Variants in SLC60A1 observed in about 807,000 individuals in gnomAD.
SLC60A1 encodes the protein major facilitator superfamily domain containing 4.
At chr1:205,599,157 T>C in the SLC60A1 span, 6 of 1,614,184 alleles carry the variant, frequency 3.7e-6, no homozygotes, top group Middle Eastern at 1.6e-4. Context: ...GCAGCTATAG[T>C]TTCCTGGTCT....
the SLC60A1 span, among the ~76,000 whole-genome samples, chr1:205,576,155 C>A: frequency 6.6e-6 from 1 of 152,146 alleles, no homozygotes; most frequent in South Asian, 2.1e-4. Context: ...CCTGGGCCAG[C>A]CTCCCAGGGT....
At chr1:205,586,277 C>G in the SLC60A1 span, 1 of 1,572,352 alleles carries the variant, frequency 6.4e-7, no homozygotes, top group Non-Finnish European at 8.6e-7. Context: ...TGGCCCTACC[C>G]CAGGACGTTT....
At chr1:205,597,737 CCTTAA>C in the SLC60A1 span, 1 of 1,608,358 alleles carries the variant, frequency 6.2e-7, no homozygotes, top group African/African-American at 1.3e-5. Context: ...GCTTCTGTCT[CCTTAA>C]CTTGCTTTTA....
chr1:205,575,084 G>A, the SLC60A1 span, among the ~76,000 whole-genome samples: 1 of 152,160 alleles, frequency 6.6e-6, no homozygotes, highest in Non-Finnish European at 1.5e-5. Context: ...CATCAGCCTG[G>A]CCTGAGATAG....
At chr1:205,588,489 A>G in the SLC60A1 span, among the ~76,000 whole-genome samples, 1 of 139,784 alleles carries the variant, frequency 7.2e-6, no homozygotes, top group African/African-American at 2.8e-5. Flanking sequence ...AAAAAAAAAA[A>G]AGAAAGAGAA....
At chr1:205,592,457 T>C in the SLC60A1 span, among the ~76,000 whole-genome samples, 1 of 152,010 alleles carries the variant, frequency 6.6e-6, no homozygotes, top group African/African-American at 2.4e-5. Flanking sequence ...TATGTATACA[T>C]GTGCCATGTT....
the SLC60A1 span, among the ~76,000 whole-genome samples, chr1:205,584,547 T>TAAA: frequency 5.4e-5 from 5 of 92,870 alleles, no homozygotes; most frequent in Non-Finnish European, 1.1e-4. Flanking sequence ...CTTTTTTTTT[T>TAAA]TAAAAAAAAA....
chr1:205,592,273 C>T, the SLC60A1 span: 3 of 1,613,824 alleles, frequency 1.9e-6, no homozygotes, highest in African/African-American at 1.3e-5. Flanking sequence ...ACGGAGGACT[C>T]GCTGCAGTAC....
the SLC60A1 span, among the ~76,000 whole-genome samples, chr1:205,578,454 G>A: frequency 3.3e-5 from 5 of 152,162 alleles, no homozygotes; most frequent in African/African-American, 4.8e-5. Flanking sequence ...TCCCCCATGA[G>A]TTCTGAGCTG....
the SLC60A1 span, among the ~76,000 whole-genome samples, chr1:205,574,461 T>C: frequency 6.6e-6 from 1 of 151,938 alleles, no homozygotes; most frequent in Non-Finnish European, 1.5e-5. Flanking sequence ...AAAACAAAAA[T>C]CTCAAAACTT....
chr1:205,570,951 C>A, the SLC60A1 span, among the ~76,000 whole-genome samples: 3 of 152,268 alleles, frequency 2.0e-5, no homozygotes, highest in East Asian at 5.8e-4. Context: ...GCACACCCAC[C>A]CAGCTGGGCC....
chr1:205,592,296 C>T, the SLC60A1 span: 73 of 1,603,756 alleles, frequency 4.6e-5, no homozygotes, highest in Non-Finnish European at 5.9e-5. Context: ...AGGTGAGGGC[C>T]GGGCCCGAGC....
At chr1:205,579,403 T>C in the SLC60A1 span, 1 of 502,674 alleles carries the variant, frequency 2.0e-6, no homozygotes, top group Non-Finnish European at 3.6e-6. Flanking sequence ...CCTCTTGAGA[T>C]GCTCAAAACA....
chr1:205,586,638 G>A, the SLC60A1 span, among the ~76,000 whole-genome samples: 39,483 of 151,748 alleles, frequency 0.26, 5,525 homozygotes, highest in Non-Finnish European at 0.3. Context: ...CACAACCGTC[G>A]GAATCACTGC....
chr1:205,596,235 C>A, the SLC60A1 span, among the ~76,000 whole-genome samples: 26 of 152,270 alleles, frequency 1.7e-4, no homozygotes, highest in South Asian at 5.2e-3. Flanking sequence ...GCCATCCTCT[C>A]CTGGGCTTCC....
At chr1:205,591,939 A>G in the SLC60A1 span, 2 of 622,896 alleles carry the variant, frequency 3.2e-6, no homozygotes, top group Non-Finnish European at 5.4e-6. Context: ...TCTCCTTTCC[A>G]CGCTTCCTTC....
chr1:205,580,007 G>T, the SLC60A1 span: 2 of 1,537,336 alleles, frequency 1.3e-6, no homozygotes, highest in Non-Finnish European at 1.8e-6. This position sits in a 1 kb window ranked among gnomAD's most constrained non-coding sequence, Gnocchi z 5.0. Flanking sequence ...GAGCTCCCTA[G>T]GCCCCCTCAG....
chr1:205,601,579 T>TTTTTTGTTTTTG, the SLC60A1 span: 1 of 152,180 alleles, frequency 6.6e-6, no homozygotes, highest in Non-Finnish European at 1.5e-5. Flanking sequence ...TTTTACATCT[T>TTTTTTGTTTTTG]TTTTTGTTTT....
chr1:205,596,087 G>A, the SLC60A1 span, among the ~76,000 whole-genome samples: 314 of 152,256 alleles, frequency 2.1e-3, 2 homozygotes, highest in African/African-American at 7.0e-3. Flanking sequence ...GAGACTGAAC[G>A]AGCTAGAAGG....
Sources: gnomAD v4.1 joint callset for allele counts (sites outside exome capture counted in the v4.1 genomes callset) on GRCh38, gnomAD v4.1.1 for gene constraint, Gnocchi (gnomAD v3.1) non-coding constraint, MANE v1.5 for transcripts, NCBI Gene and HGNC (gene_info 2026-07-23, HGNC 2026-07-21) for gene names.